The following PPP2R2B variants were observed in gnomAD, a reference collection of about 807,000 sequenced individuals.
PPP2R2B encodes serine/threonine-protein phosphatase 2A 55 kDa regulatory subunit B beta isoform.
A neutral mutation model predicts 46.0 loss-of-function variants in PPP2R2B; 5 were observed. That is an observed-to-expected ratio of 0.11 (90% CI 0.06 to 0.23). PPP2R2B has a LOEUF of 0.23. PPP2R2B is among the 10% of genes least tolerant of loss of function. The pLI is 1.00. For synonymous variants in PPP2R2B, 215 were observed against 206.7 expected (o/e 1.04, Z -0.34); for missense variants, 367 against 575.0 (o/e 0.64, Z 3.70).
At chr5:146,634,238 C>G (rs1260928838) in intron 7 of PPP2R2B, among the ~76,000 whole-genome samples, 1 of 152,200 alleles carries the variant, frequency 6.6e-6, no homozygotes, top group African/African-American at 2.4e-5. Context: ...AACTCCTCTG[C>G]CAGACTGCCT....
At chr5:146,958,963 G>A (rs74514939) in intron 1 of PPP2R2B, among the ~76,000 whole-genome samples, 1,951 of 152,242 alleles carry the variant, frequency 0.013, 48 homozygotes, top group African/African-American at 0.045. Context: ...AGTAGTTGGA[G>A]GTGGGATTCA....
chr5:146,833,137 T>C (rs1232247458), intron 2 of PPP2R2B, among the ~76,000 whole-genome samples: 5 of 152,182 alleles, frequency 3.3e-5, no homozygotes, highest in African/African-American at 1.2e-4. Flanking sequence ...TCTAACATTA[T>C]GATTTCTGAA....
chr5:147,009,618 GT>G (rs1220027945), intron 1 of PPP2R2B, among the ~76,000 whole-genome samples: 6 of 151,654 alleles, frequency 4.0e-5, no homozygotes, highest in African/African-American at 4.8e-5. Context: ...GAAAACTCAA[GT>G]TTTTTTTAGG....
At chr5:147,050,646 T>G (rs766383293) in intron 1 of PPP2R2B, among the ~76,000 whole-genome samples, 2 of 146,116 alleles carry the variant, frequency 1.4e-5, no homozygotes, top group Non-Finnish European at 3.0e-5. Flanking sequence ...ATAACAGTGT[T>G]GACCTTATAG....
intron 7 of PPP2R2B, among the ~76,000 whole-genome samples, chr5:146,637,062 C>G (rs1209273602): frequency 6.6e-6 from 1 of 152,228 alleles, no homozygotes; most frequent in Non-Finnish European, 1.5e-5. Flanking sequence ...AGTATTAAAA[C>G]TAAACTGCCT....
At chr5:147,039,950 G>A (rs1313656410) in intron 1 of PPP2R2B, among the ~76,000 whole-genome samples, 1 of 152,142 alleles carries the variant, frequency 6.6e-6, no homozygotes, top group Non-Finnish European at 1.5e-5. Context: ...AAGTGGAAGA[G>A]CAGAATGAAA....
At chr5:146,950,974 C>A (rs1249190973) in intron 1 of PPP2R2B, among the ~76,000 whole-genome samples, 1 of 151,922 alleles carries the variant, frequency 6.6e-6, no homozygotes, top group Non-Finnish European at 1.5e-5. Flanking sequence ...TCCTGGTATA[C>A]TATGATGGTA....
chr5:146,965,701 A>T (rs4705124), intron 1 of PPP2R2B, among the ~76,000 whole-genome samples: 119,896 of 152,166 alleles, frequency 0.79, 47,843 homozygotes, highest in Admixed American at 0.85. Flanking sequence ...TAGTATTATA[A>T]GTACAAATAT....
intron 1 of PPP2R2B, among the ~76,000 whole-genome samples, chr5:146,983,449 G>C (rs1186047089): frequency 1.3e-5 from 2 of 152,160 alleles, no homozygotes; most frequent in Non-Finnish European, 2.9e-5. Flanking sequence ...CAAAGTGCTG[G>C]GATTATAGGC....
intron 1 of PPP2R2B, among the ~76,000 whole-genome samples, chr5:146,992,807 T>C (rs534654252): frequency 3.3e-5 from 5 of 152,370 alleles, no homozygotes; most frequent in Admixed American, 6.5e-5. Flanking sequence ...GGTGAAAGCA[T>C]AGGCTCTCCA....
chr5:146,726,773 C>T (rs931723656), intron 2 of PPP2R2B, among the ~76,000 whole-genome samples: 1 of 152,120 alleles, frequency 6.6e-6, no homozygotes, highest in Admixed American at 6.6e-5. Flanking sequence ...CCCACAGTCT[C>T]TTTTGCTGTA....
chr5:146,869,382 G>A (rs114426493), intron 2 of PPP2R2B, among the ~76,000 whole-genome samples: 1,594 of 152,324 alleles, frequency 0.01, 31 homozygotes, highest in African/African-American at 0.036. Context: ...AGCTGGAAAC[G>A]ATTTTCTATC....
chr5:146,982,668 T>A (rs1003248943), intron 1 of PPP2R2B, among the ~76,000 whole-genome samples: 11 of 152,220 alleles, frequency 7.2e-5, no homozygotes, highest in African/African-American at 2.4e-4. Flanking sequence ...TTTGTCTATT[T>A]CTCCTTTCAA....
chr5:146,749,668 G>A (rs1049358362), intron 2 of PPP2R2B, among the ~76,000 whole-genome samples: 5 of 142,640 alleles, frequency 3.5e-5, no homozygotes, highest in Non-Finnish European at 6.0e-5. Context: ...GGAGTGCAGT[G>A]GCTTACTGCA....
At chr5:146,750,079 AAAC>A (rs1182844697) in intron 2 of PPP2R2B, among the ~76,000 whole-genome samples, 2 of 148,764 alleles carry the variant, frequency 1.3e-5, no homozygotes, top group South Asian at 4.4e-4. Context: ...ATTTTGTAAA[AAAC>A]AAACAAACAA....
chr5:146,696,348 C>A (rs1488160415), intron 4 of PPP2R2B, among the ~76,000 whole-genome samples: 1 of 152,192 alleles, frequency 6.6e-6, no homozygotes, highest in Non-Finnish European at 1.5e-5. Flanking sequence ...TCATGATCTG[C>A]CCGCCTCGGC....
chr5:146,856,613 C>T (rs368567829), intron 2 of PPP2R2B: 240 of 1,507,014 alleles, frequency 1.6e-4, no homozygotes, highest in Non-Finnish European at 2.1e-4. Context: ...CAGATCCAGA[C>T]TCCAGGAGGT....
intron 2 of PPP2R2B, among the ~76,000 whole-genome samples, chr5:146,860,470 CT>C (rs1166424955): frequency 2.0e-5 from 3 of 152,208 alleles, no homozygotes; most frequent in Non-Finnish European, 4.4e-5. Flanking sequence ...GCAAGATCAT[CT>C]TATGAGTGGA....
intron 2 of PPP2R2B, among the ~76,000 whole-genome samples, chr5:146,834,541 T>C (rs1328981929): frequency 6.6e-6 from 1 of 152,360 alleles, no homozygotes; most frequent in South Asian, 2.1e-4. Context: ...ACAACTCTGA[T>C]TGGTGCTCTG....
Sources: allele counts gnomAD v4.1 joint callset (sites outside exome capture counted in the v4.1 genomes callset), GRCh38; gene constraint gnomAD v4.1.1; transcripts MANE v1.5; gene names NCBI Gene and HGNC (gene_info 2026-07-23, HGNC 2026-07-21).